The following SYN3 variants were observed in gnomAD, a reference collection of about 807,000 sequenced individuals.
The protein encoded by SYN3 is synapsin III.
In SYN3, 35 loss-of-function variants were observed where a neutral mutation model predicts 65.8. That is an observed-to-expected ratio of 0.53 (90% CI 0.41 to 0.70). The LOEUF (loss-of-function observed/expected upper bound fraction) is 0.70. Ranked by LOEUF, SYN3 falls within the 30% of genes least tolerant of loss-of-function variation. The probability of loss-of-function intolerance (pLI) is 0.00; values close to 1 mark genes in which losing one functional copy is unlikely to be tolerated. For missense variants in SYN3, 680 were observed against 749.0 expected, an observed-to-expected ratio of 0.91 and a Z score of 1.08; for synonymous variants, 270 against 292.9, an observed-to-expected ratio of 0.92 and a Z score of 0.80.
intron 6 of SYN3, among the ~76,000 whole-genome samples, chr22:32,704,160 A>T (rs1449806013): frequency 6.6e-6 from 1 of 152,006 alleles, no homozygotes; most frequent in Admixed American, 6.6e-5. Context: ...TTATTTTGTC[A>T]CCCCAGTACT....
At chr22:32,972,920 G>A (rs945426606) in intron 3 of SYN3, among the ~76,000 whole-genome samples, 1 of 152,146 alleles carries the variant, frequency 6.6e-6, no homozygotes, top group African/African-American at 2.4e-5. Context: ...GGAGTGGGAG[G>A]ATCACTTGAG....
chr22:32,771,776 C>T (rs1358535655), intron 6 of SYN3, among the ~76,000 whole-genome samples: 1 of 152,204 alleles, frequency 6.6e-6, no homozygotes, highest in Non-Finnish European at 1.5e-5. Flanking sequence ...CCGTGAGTCT[C>T]TGTGGTATTC....
At position 32,549,743 on chromosome 22, in the gene SYN3, A is replaced by G. The variant is rs544506736; in HGVS notation, c.775-8030T>C. Reference sequence around the variant, plus strand: ...GTGAAACTCAGTCTCTAGTAAAAATACAAAAATTAGCCAGGCATGGTTGTG... The same window carrying G: ...GTGAAACTCAGTCTCTAGTAAAAATGCAAAAATTAGCCAGGCATGGTTGTG... On this transcript the variant is annotated intron_variant, in intron 7 of 13. Coordinates refer to ENST00000358763, the MANE Select transcript of SYN3 (RefSeq NM_003490.4). Among the ~76,000 whole-genome samples, 5 of 152,340 alleles carry G rather than the reference A, an allele frequency of 3.3e-5. No homozygotes were observed. In the East Asian group the frequency reaches 9.7e-4, roughly 29 times the overall value.
chr22:32,954,705 G>A lies in SYN3; in HGVS notation c.370-23224C>T, dbSNP rs900089798. Among the ~76,000 whole-genome samples the A allele has an allele frequency of 5.3e-5, 8 of 152,332 alleles. No individual in the cohort carries two copies. In the South Asian group the frequency reaches 6.2e-4, roughly 12 times the overall value. ...AACCAGAAACTGCAAGAGGAAAGCA[G>A]TCCTGGGAAGAGAGGCTGTTTGGGG... is the stretch of plus-strand genomic sequence containing the variant. On this transcript the variant is annotated intron_variant, in intron 3 of 13. Transcript: ENST00000358763.
intron 6 of SYN3, among the ~76,000 whole-genome samples, chr22:32,713,704 G>A (rs146535789): frequency 0.015 from 2,276 of 152,022 alleles, 30 homozygotes; most frequent in Non-Finnish European, 0.024. Context: ...GGTGGTGGGC[G>A]CCTGTAGTCC....
intron 4 of SYN3, among the ~76,000 whole-genome samples, chr22:32,888,315 G>A (rs2049350358): frequency 6.6e-6 from 1 of 152,190 alleles, no homozygotes; most frequent in African/African-American, 2.4e-5. Context: ...CACACAGTAT[G>A]CTTTAAGAAT....
chr22:32,776,406 T>C (rs1265530402), intron 6 of SYN3, among the ~76,000 whole-genome samples: 3 of 152,206 alleles, frequency 2.0e-5, no homozygotes, highest in Admixed American at 6.5e-5. Context: ...AAGATAGTCA[T>C]GCCTTACCAG....
chr22:32,518,114 A>AG lies in SYN3; in HGVS notation c.1538dup (p.Val514CysfsTer5), dbSNP rs1414632470. ...GCTGGGAGGTACTACGGCCCTGCAC[A>AG]GGGGGCCGGGGCTGTGAGGCGAGGG... is the stretch of plus-strand genomic sequence containing the variant. On this transcript the variant is annotated frameshift_variant, in exon 13 of 14. Coordinates refer to ENST00000358763, the MANE Select transcript of SYN3 (RefSeq NM_003490.4). LOFTEE classifies it high-confidence loss of function. 1 of 1,591,896 alleles carries AG rather than the reference A, an allele frequency of 6.3e-7. No homozygotes were observed. The highest frequency in any genetic ancestry group is 8.6e-7 in the Non-Finnish European group (1 of 1,169,412).
intron 3 of SYN3, among the ~76,000 whole-genome samples, chr22:32,975,883 C>T (rs2052169548): frequency 6.6e-6 from 1 of 152,228 alleles, no homozygotes; most frequent in South Asian, 2.1e-4. Flanking sequence ...AACCACCAAA[C>T]TGAATTAACA....
chr22:32,986,360 C>G (rs1187337326), intron 2 of SYN3, among the ~76,000 whole-genome samples: 1 of 152,204 alleles, frequency 6.6e-6, no homozygotes, highest in Non-Finnish European at 1.5e-5. Flanking sequence ...ACCACCCAAG[C>G]AGCTGTGGTC....
chr22:32,603,622 C>T lies in SYN3; in HGVS notation c.712-6886G>A, dbSNP rs73399264. 4.4e-3 allele frequency among the ~76,000 whole-genome samples: 672 copies of T among 152,284 alleles called. 7 individuals carry two copies. The highest frequency in any genetic ancestry group is 0.015 in the African/African-American group (633 of 41,556). ...ACGGTGCTGCTGCCCTGTGGCCACC[C>T]CACTTCCCAAGCTGTTCAAATGGGT... is the stretch of plus-strand genomic sequence containing the variant. On this transcript the variant is annotated intron_variant, in intron 6 of 13. Transcript: ENST00000358763.
intron 6 of SYN3, among the ~76,000 whole-genome samples, chr22:32,597,204 C>CTTTTTTTTTTTTTTTTTTTTTTTTTTT (rs6147592): frequency 1.1e-5 from 1 of 87,372 alleles, no homozygotes; most frequent in Non-Finnish European, 2.2e-5. Flanking sequence ...ACATTATTCT[C>CTTTTTTTTTTTTTTTTTTTTTTTTTTT]TTTTTTTTTT....
intron 1 of SYN3, among the ~76,000 whole-genome samples, chr22:33,044,007 T>G: frequency 6.6e-6 from 1 of 151,728 alleles, no homozygotes; most frequent in Non-Finnish European, 1.5e-5. Context: ...GAGCCGAGAT[T>G]GTGCCACTGC....
intron 4 of SYN3, among the ~76,000 whole-genome samples, chr22:32,918,282 A>G (rs1391466693): frequency 6.6e-6 from 1 of 152,198 alleles, no homozygotes; most frequent in East Asian, 1.9e-4. Context: ...AGACGGGGGA[A>G]GTAAATAATA....
At chr22:32,825,566 G>C (rs1361001532) in intron 6 of SYN3, among the ~76,000 whole-genome samples, 1 of 146,878 alleles carries the variant, frequency 6.8e-6, no homozygotes, top group African/African-American at 2.5e-5. Flanking sequence ...AGCTGAGGCA[G>C]AGAATCACTT....
At chr22:32,704,892 CT>C (rs2060859856) in intron 6 of SYN3, among the ~76,000 whole-genome samples, 1 of 152,124 alleles carries the variant, frequency 6.6e-6, no homozygotes, top group African/African-American at 2.4e-5. Flanking sequence ...CCTTTGCCCA[CT>C]TTTTAATGGG....
At chr22:32,842,981 G>A (rs766295816) in intron 6 of SYN3, among the ~76,000 whole-genome samples, 3 of 152,188 alleles carry the variant, frequency 2.0e-5, no homozygotes, top group Non-Finnish European at 4.4e-5. Flanking sequence ...ATCCTCTGCA[G>A]TGAAAGTGGG....
At chr22:32,976,777 G>T (rs1020951283) in intron 3 of SYN3, among the ~76,000 whole-genome samples, 1 of 152,134 alleles carries the variant, frequency 6.6e-6, no homozygotes, top group Non-Finnish European at 1.5e-5. Flanking sequence ...TTTTTAGACT[G>T]GGGGGAAGAG....
intron 4 of SYN3, among the ~76,000 whole-genome samples, chr22:32,882,613 G>C (rs1244819450): frequency 6.6e-6 from 1 of 152,122 alleles, no homozygotes; most frequent in East Asian, 1.9e-4. Context: ...TCACACGGCA[G>C]ATGCAAGTAG....
Sources: allele counts gnomAD v4.1 joint callset (sites outside exome capture counted in the v4.1 genomes callset), GRCh38; gene constraint gnomAD v4.1.1; transcripts MANE v1.5; gene names NCBI Gene and HGNC (gene_info 2026-07-23, HGNC 2026-07-21).